EVA1C: variants seen among roughly 807,000 people sequenced by gnomAD.
EVA1C encodes eva-1 homolog C, also known as protein eva-1 homolog C.
In EVA1C, 25 loss-of-function variants were observed where a neutral mutation model predicts 45.4. The ratio of observed to expected loss-of-function variants is 0.55; its 90% CI spans 0.40 to 0.77. EVA1C has a LOEUF of 0.77. Among genes scored for constraint, EVA1C ranks in the 30% least tolerant of loss-of-function variants. The probability of loss-of-function intolerance (pLI) is 0.00; values close to 1 mark genes in which losing one functional copy is unlikely to be tolerated. For synonymous variants in EVA1C, 190 were observed against 221.2 expected (o/e 0.86, Z 1.25); for missense variants, 479 against 554.8 (o/e 0.86, Z 1.37).
chr21:32,503,373 C>T (rs914644591), intron 6 of EVA1C, among the ~76,000 whole-genome samples: 4 of 152,242 alleles, frequency 2.6e-5, no homozygotes, highest in African/African-American at 9.6e-5. Flanking sequence ...TGGTGAAGCC[C>T]CATCTCTAAT....
chr21:32,481,497 G>A (rs1311606905), intron 4 of EVA1C, among the ~76,000 whole-genome samples: 7 of 127,656 alleles, frequency 5.5e-5, no homozygotes, highest in Non-Finnish European at 8.0e-5. Flanking sequence ...AGTCAACCCC[G>A]TGCAGCCACA....
chr21:32,474,457 C>G lies in EVA1C; in HGVS notation c.634+6609C>G, dbSNP rs1410236084. ...CTGGCTTTGCCACACAAGACATCGA[C>G]CCAGATGTCATCTCAGAGAGGTTTC... is the stretch of plus-strand genomic sequence containing the variant. On this transcript the variant is annotated intron_variant, in intron 4 of 7. Coordinates refer to ENST00000300255, the MANE Select transcript of EVA1C (RefSeq NM_058187.5). This position sits in a 1 kb window ranked among gnomAD's most constrained non-coding sequence, Gnocchi z 4.4. 2.6e-5 allele frequency among the ~76,000 whole-genome samples: 4 copies of G among 152,202 alleles called. No individual in the cohort carries two copies. Among genetic ancestry groups the G allele is most frequent in the Admixed American group, 6.5e-5 (1 of 15,290 alleles).
chr21:32,457,496 G>C, intron 2 of EVA1C, 101 bp from the exon 3 acceptor site: 1 of 1,429,804 alleles, frequency 7.0e-7, no homozygotes, highest in South Asian at 1.2e-5. Context: ...CAGGTGGGGA[G>C]GCGTCCTTCC....
chr21:32,508,744 A>G (rs1309888747), intron 7 of EVA1C, among the ~76,000 whole-genome samples: 1 of 152,182 alleles, frequency 6.6e-6, no homozygotes, highest in Non-Finnish European at 1.5e-5. Context: ...AACAGGGGGA[A>G]CGCTCGCCAT....
At chr21:32,429,464 C>T (rs1006133170) in intron 1 of EVA1C, among the ~76,000 whole-genome samples, 3 of 151,938 alleles carry the variant, frequency 2.0e-5, no homozygotes, top group Non-Finnish European at 4.4e-5. Flanking sequence ...AGTGATTCTC[C>T]TGCCTCAGCC....
Position 32,453,362 on chromosome 21 carries a change from G to T in EVA1C, c.211G>T (p.Asp71Tyr). The part of the protein sequence containing the change: ...QNHTTYACDG[D>Y]YLNLQCPRHS... ...CCACACCACCTATGCCTGTGATGGGGACTATTTGAATCTACAGTGCCCTCG... is the reference window on the plus strand; with the variant it reads ...CCACACCACCTATGCCTGTGATGGGTACTATTTGAATCTACAGTGCCCTCG... The change falls in exon 2 of 8, where the codon GAC becomes TAC. Residue 71 changes from aspartate to tyrosine, a missense_variant. Physicochemically the swap from Asp to Tyr is radical, Grantham distance 160 (BLOSUM62 -3). This residue lies in a region of EVA1C where 33 missense variants were observed against 64.9 expected (regional missense o/e 0.51). Coordinates refer to ENST00000300255, the MANE Select transcript of EVA1C (RefSeq NM_058187.5). 2 of 1,610,776 alleles carry T rather than the reference G, an allele frequency of 1.2e-6. No individual in the cohort carries two copies. Among genetic ancestry groups the T allele is most frequent in the Non-Finnish European group, 1.7e-6 (2 of 1,178,856 alleles).
intron 4 of EVA1C, among the ~76,000 whole-genome samples, chr21:32,487,677 G>A (rs908355649): frequency 4.7e-5 from 7 of 150,480 alleles, no homozygotes; most frequent in African/African-American, 1.2e-4. Flanking sequence ...CCAAAATCGC[G>A]CCATTGCCCT....
chr21:32,492,835 C>T (rs1051447646), intron 4 of EVA1C, among the ~76,000 whole-genome samples: 5 of 152,052 alleles, frequency 3.3e-5, no homozygotes, highest in African/African-American at 9.7e-5. Context: ...CATCCTTGGT[C>T]GGTCCCTCAC....
In EVA1C at chr21:32,474,349, C is replaced by G. The variant is rs2036482402; in HGVS notation, c.634+6501C>G. Among the ~76,000 whole-genome samples, 7 of 152,230 alleles carry G rather than the reference C, an allele frequency of 4.6e-5. No homozygotes were observed. The highest frequency in any genetic ancestry group is 4.6e-4 in the Admixed American group (7 of 15,282). ...GCCTCTTCCCTCACTACCTCTGGAG[C>G]ACTCCACCTTTATTCATACCCCTGG... On this transcript the variant is annotated intron_variant, in intron 4 of 7. Coordinates refer to ENST00000300255, the MANE Select transcript of EVA1C (RefSeq NM_058187.5). The surrounding 1 kb of genome is among the most constrained non-coding windows in gnomAD (Gnocchi z 4.4).
intron 1 of EVA1C, among the ~76,000 whole-genome samples, chr21:32,438,389 C>T (rs1342858766): frequency 3.5e-4 from 50 of 141,642 alleles, no homozygotes; most frequent in East Asian, 2.3e-4. Context: ...CCCAGCTACT[C>T]GGGAGGCTGA....
At chr21:32,470,520 C>T (rs921036009) in intron 4 of EVA1C, among the ~76,000 whole-genome samples, 2 of 152,196 alleles carry the variant, frequency 1.3e-5, no homozygotes, top group Non-Finnish European at 2.9e-5. Flanking sequence ...AATGACACTA[C>T]CCACTGTCCT....
chr21:32,513,690 C>T (rs2038041667), intron 7 of EVA1C, among the ~76,000 whole-genome samples: 1 of 151,156 alleles, frequency 6.6e-6, no homozygotes, highest in Non-Finnish European at 1.5e-5. Flanking sequence ...GCACGCACCA[C>T]CATGCCCAGA....
chr21:32,414,536 T>TA (rs2033961228), intron 1 of EVA1C, among the ~76,000 whole-genome samples: 1 of 152,208 alleles, frequency 6.6e-6, no homozygotes, highest in South Asian at 2.1e-4. Context: ...TATAGACACT[T>TA]AGAGTTCTGT....
intron 1 of EVA1C, among the ~76,000 whole-genome samples, chr21:32,444,405 T>A (rs972484113): frequency 6.6e-6 from 1 of 152,146 alleles, no homozygotes; most frequent in African/African-American, 2.4e-5. Flanking sequence ...TCCATCAATA[T>A]GGAGTGGCTC....
chr21:32,514,853 T>G lies in EVA1C; in HGVS notation c.989T>G (p.Val330Gly). ...ERAALLFVSS[V>G]CIGLALTLCA... ...GCTGCCCTGCTGTTCGTGTCCAGTG[T>G]CTGCATCGGCCTGGCCCTCACACTG... The change falls in exon 8 of 8, where the codon GTC becomes GGC. Residue 330 changes from valine to glycine, a missense_variant. Val to Gly is a moderately radical substitution (Grantham distance 109). Coordinates refer to ENST00000300255, the MANE Select transcript of EVA1C (RefSeq NM_058187.5). The G allele has an allele frequency of 6.2e-7, 1 of 1,600,502 alleles. No individual in the cohort carries two copies. Among genetic ancestry groups the G allele is most frequent in the Non-Finnish European group, 8.5e-7 (1 of 1,171,926 alleles).
At chr21:32,465,137 T>C (rs1169511469) in intron 3 of EVA1C, among the ~76,000 whole-genome samples, 1 of 152,246 alleles carries the variant, frequency 6.6e-6, no homozygotes, top group East Asian at 1.9e-4. Context: ...TTTTCTAAAC[T>C]ACTCTATGCT....
chr21:32,478,230 A>ATT (rs1386236138), intron 4 of EVA1C, among the ~76,000 whole-genome samples: 5 of 151,200 alleles, frequency 3.3e-5, no homozygotes, highest in African/African-American at 9.7e-5. Context: ...ATATATATAT[A>ATT]TTTTTTGAGA....
At chr21:32,463,010 C>A (rs1276239384) in intron 3 of EVA1C, among the ~76,000 whole-genome samples, 1 of 152,190 alleles carries the variant, frequency 6.6e-6, no homozygotes, top group Non-Finnish European at 1.5e-5. Flanking sequence ...TTTAATTCTT[C>A]TAGCGCCACT....
rs151141831 is a variant in EVA1C at position 32,480,888 on chromosome 21, G to A, written c.634+13040G>A. On this transcript the variant is annotated intron_variant, in intron 4 of 7. Transcript: ENST00000300255. ...TGAGGCAGGAGAATAACTTGAACCC[G>A]GGAGGCAGAGGTCGCAGTGTGCTGA... 9.2e-3 allele frequency among the ~76,000 whole-genome samples: 1,395 copies of A among 151,526 alleles called. 15 individuals are homozygous for A. The highest frequency in any genetic ancestry group is 0.031 in the African/African-American group (1,269 of 41,308).
Sources: gnomAD v4.1 joint callset for allele counts (sites outside exome capture counted in the v4.1 genomes callset) on GRCh38, gnomAD v4.1.1 for gene constraint, gnomAD v4.1.1 regional missense constraint, Gnocchi (gnomAD v3.1) non-coding constraint, MANE v1.5 for transcripts, NCBI Gene and HGNC (gene_info 2026-07-23, HGNC 2026-07-21) for gene names.